Variants in NRG3 observed in about 807,000 individuals in gnomAD.
NRG3 encodes neuregulin 3, also known as pro-neuregulin-3, membrane-bound isoform.
In NRG3, 31 loss-of-function variants were observed where a neutral mutation model predicts 66.9. The ratio of observed to expected loss-of-function variants is 0.46; its 90% CI spans 0.35 to 0.63. The LOEUF is 0.63. Ranked by LOEUF, NRG3 falls within the 20% of genes least tolerant of loss-of-function variation. NRG3 has a pLI of 0.00. For missense variants in NRG3, 910 were observed against 878.9 expected, an observed-to-expected ratio of 1.04 and a Z score of -0.45; for synonymous variants, 393 against 359.4, an observed-to-expected ratio of 1.09 and a Z score of -1.06.
intron 2 of NRG3, among the ~76,000 whole-genome samples, chr10:82,599,368 G>A (rs548781961): frequency 3.3e-5 from 5 of 152,284 alleles, no homozygotes; most frequent in African/African-American, 1.2e-4. Context: ...GTCATTAGCA[G>A]AGAGGAGACC....
chr10:81,913,762 G>T (rs1845406269), intron 1 of NRG3, among the ~76,000 whole-genome samples: 1 of 152,064 alleles, frequency 6.6e-6, no homozygotes, highest in South Asian at 2.1e-4. Context: ...AATCCACGTG[G>T]AATGTCTGAT....
At chr10:82,242,308 A>G (rs1056417204) in intron 1 of NRG3, among the ~76,000 whole-genome samples, 1 of 152,160 alleles carries the variant, frequency 6.6e-6, no homozygotes, top group South Asian at 2.1e-4. Flanking sequence ...TTTGCAAAAG[A>G]TGGTGTCTAA....
At chr10:82,412,660 C>T (rs562601456) in intron 2 of NRG3, among the ~76,000 whole-genome samples, 1 of 152,224 alleles carries the variant, frequency 6.6e-6, no homozygotes, top group African/African-American at 2.4e-5. Flanking sequence ...TTCTCTGTAG[C>T]ATGTGATGTT....
At chr10:82,872,993 C>A (rs1233025234) in intron 4 of NRG3, among the ~76,000 whole-genome samples, 1 of 152,012 alleles carries the variant, frequency 6.6e-6, no homozygotes, top group East Asian at 1.9e-4. Context: ...AAACAAGTAA[C>A]CAAAAAGGTT....
intron 1 of NRG3, among the ~76,000 whole-genome samples, chr10:81,888,281 C>T (rs930012213): frequency 3.9e-5 from 6 of 152,108 alleles, no homozygotes; most frequent in Admixed American, 3.9e-4. Flanking sequence ...TTCAATAAAA[C>T]CCTATTTCAC....
At chr10:82,820,794 C>G (rs1180979068) in intron 3 of NRG3, among the ~76,000 whole-genome samples, 2 of 152,192 alleles carry the variant, frequency 1.3e-5, no homozygotes, top group African/African-American at 4.8e-5. Flanking sequence ...AACATCAACT[C>G]TTAGCATACA....
chr10:82,292,645 G>A (rs937353082), intron 1 of NRG3, among the ~76,000 whole-genome samples: 7 of 152,130 alleles, frequency 4.6e-5, no homozygotes, highest in African/African-American at 1.7e-4. Context: ...CATGTATATT[G>A]TAGAATACTA....
chr10:82,965,000 C>T (rs1851067018), intron 6 of NRG3, among the ~76,000 whole-genome samples: 1 of 152,186 alleles, frequency 6.6e-6, no homozygotes, highest in Admixed American at 6.5e-5. Flanking sequence ...AGAGGAGATA[C>T]CTTCATTACC....
At chr10:82,000,188 C>T (rs2061106856) in intron 1 of NRG3, among the ~76,000 whole-genome samples, 1 of 152,170 alleles carries the variant, frequency 6.6e-6, no homozygotes, top group African/African-American at 2.4e-5. Flanking sequence ...AAAGAACACA[C>T]ATTTCCAATT....
At chr10:82,207,985 A>G (rs753132905) in intron 1 of NRG3, among the ~76,000 whole-genome samples, 1 of 152,210 alleles carries the variant, frequency 6.6e-6, no homozygotes, top group African/African-American at 2.4e-5. Context: ...AGTTAATATT[A>G]ATTGACATAC....
Position 81,875,250 on chromosome 10 carries a change from G to GGAGCCCGCGCCC in NRG3, c.-89_-78dup. Reference sequence around the variant, plus strand: ...TGCGCCCGAGCCCGCCGCCGCCGCCGGAGCCCGCGCCCGCGCCCGCGCCCG... The same window carrying GGAGCCCGCGCCC: ...TGCGCCCGAGCCCGCCGCCGCCGCCGGAGCCCGCGCCCGAGCCCGCGCCCGCGCCCGCGCCCG... On this transcript the variant is annotated 5_prime_UTR_variant, in exon 1 of 9. Coordinates refer to ENST00000372141, the MANE Select transcript of NRG3 (RefSeq NM_001010848.4). This position sits in a 1 kb window ranked among gnomAD's most constrained non-coding sequence, Gnocchi z 5.3. 1 of 812,012 alleles carries GGAGCCCGCGCCC rather than the reference G, an allele frequency of 1.2e-6. No homozygotes were observed. The highest frequency in any genetic ancestry group is 1.5e-6 in the Non-Finnish European group (1 of 675,052). 50.3% of individuals were successfully genotyped at this position (812,012 alleles called of 1,614,324 possible). A position where few individuals can be genotyped will look rare whatever the true frequency, so the allele number is the denominator to read the frequency against.
rs986347664 is a variant in NRG3 at position 82,163,291 on chromosome 10, C to T, written c.824-195448C>T. ...CTTAATCAGGTTCTCAAGGAAAATGCCTCTCTTTACTTTGCACCTTAAGCT... is the reference window on the plus strand; with the variant it reads ...CTTAATCAGGTTCTCAAGGAAAATGTCTCTCTTTACTTTGCACCTTAAGCT... On this transcript the variant is annotated intron_variant, in intron 1 of 8. Coordinates refer to ENST00000372141, the MANE Select transcript of NRG3 (RefSeq NM_001010848.4). Among the ~76,000 whole-genome samples the T allele has an allele frequency of 2.0e-5, 3 of 152,124 alleles. No individual in the cohort carries two copies. In the South Asian group the frequency reaches 6.2e-4, roughly 31 times the overall value.
At chr10:82,773,707 T>C (rs2059797349) in intron 3 of NRG3, among the ~76,000 whole-genome samples, 2 of 152,150 alleles carry the variant, frequency 1.3e-5, no homozygotes, top group Non-Finnish European at 2.9e-5. Flanking sequence ...AATTTTCTTA[T>C]CTTATATCTC....
chr10:82,026,307 A>G (rs187322270), intron 1 of NRG3, among the ~76,000 whole-genome samples: 1 of 152,178 alleles, frequency 6.6e-6, no homozygotes, highest in African/African-American at 2.4e-5. Context: ...GGGCCATATA[A>G]AATATAAAAT....
At chr10:82,533,929 C>T (rs1297160789) in intron 2 of NRG3, among the ~76,000 whole-genome samples, 1 of 151,966 alleles carries the variant, frequency 6.6e-6, no homozygotes, top group African/African-American at 2.4e-5. Context: ...GATAAAAAAC[C>T]ATATCCAAAA....
intron 2 of NRG3, among the ~76,000 whole-genome samples, chr10:82,527,333 ATATAAT>A (rs1345411712): frequency 6.6e-6 from 1 of 152,074 alleles, no homozygotes; most frequent in African/African-American, 2.4e-5. Context: ...ATATTAGTAA[ATATAAT>A]TGTTTAGAAC....
intron 2 of NRG3, among the ~76,000 whole-genome samples, chr10:82,639,838 T>G (rs2133802149): frequency 6.6e-6 from 1 of 152,260 alleles, no homozygotes; most frequent in Admixed American, 6.5e-5. Flanking sequence ...ACTTGTGTCA[T>G]GGGGTTTGTT....
At chr10:82,026,033 G>C (rs1564748512) in intron 1 of NRG3, among the ~76,000 whole-genome samples, 1 of 151,976 alleles carries the variant, frequency 6.6e-6, no homozygotes, top group Non-Finnish European at 1.5e-5. Flanking sequence ...GTGGGTTCCA[G>C]AAAATAATCA....
At chr10:82,087,541 A>G (rs575713685) in intron 1 of NRG3, among the ~76,000 whole-genome samples, 109 of 152,188 alleles carry the variant, frequency 7.2e-4, no homozygotes, top group African/African-American at 2.5e-3. Flanking sequence ...TGGACTCAGC[A>G]CCATGTGTGT....
Sources: allele counts gnomAD v4.1 joint callset (sites outside exome capture counted in the v4.1 genomes callset), GRCh38; gene constraint gnomAD v4.1.1; non-coding constraint Gnocchi (gnomAD v3.1); transcripts MANE v1.5; gene names NCBI Gene and HGNC (gene_info 2026-07-23, HGNC 2026-07-21).